EIF4G3: variants seen among roughly 807,000 people sequenced by gnomAD.
EIF4G3 encodes eukaryotic translation initiation factor 4 gamma 3.
Under a neutral mutation model 186.4 loss-of-function variants are expected in EIF4G3, and 34 were observed. The ratio of observed to expected loss-of-function variants is 0.18; its 90% CI spans 0.14 to 0.24. The LOEUF (loss-of-function observed/expected upper bound fraction) is 0.24. Ranked by LOEUF, EIF4G3 falls within the 10% of genes least tolerant of loss-of-function variation. The pLI is 1.00. For missense variants in EIF4G3, 1,536 were observed against 1,948.5 expected (o/e 0.79, Z 3.99); for synonymous variants, 673 against 679.5 (o/e 0.99, Z 0.15).
chr1:21,114,595 A>C (rs1410055916), intron 2 of EIF4G3, among the ~76,000 whole-genome samples: 2 of 152,218 alleles, frequency 1.3e-5, no homozygotes, highest in African/African-American at 4.8e-5. Flanking sequence ...ACTCACTCAC[A>C]CAAGTGTTAT....
chr1:21,078,262 T>C (rs552872407), intron 3 of EIF4G3, among the ~76,000 whole-genome samples: 2 of 152,288 alleles, frequency 1.3e-5, no homozygotes, highest in African/African-American at 2.4e-5. Context: ...GTGTCATATA[T>C]ACACAATGAA....
Position 20,879,484 on chromosome 1 carries a change from A to G in EIF4G3, c.2461T>C (p.Leu821=). 1.3e-6 allele frequency: 2 copies of G among 1,508,906 alleles called. No individual in the cohort carries two copies. Among genetic ancestry groups the G allele is most frequent in the Non-Finnish European group, 1.8e-6 (2 of 1,126,778 alleles). 93.5% of individuals were successfully genotyped at this position (1,508,906 alleles called of 1,614,324 possible). A position where few individuals can be genotyped will look rare whatever the true frequency, so the allele number is the denominator to read the frequency against. Residue 821 remains leucine (L), a synonymous_variant, in exon 20 of 37, where the codon TTG becomes CTG. Coordinates refer to ENST00000602326, the MANE Select transcript of EIF4G3 (RefSeq NM_001391906.1). ...AGTTGATTGAACATCTGTGGTGTCA[A>G]TTTATTTAAGATACTTCGAACTTTT... ...FRKVRSILNK[L]TPQMFNQLMK... is the part of the protein sequence containing the mutation.
chr1:20,972,319 T>C (rs2076065060), intron 11 of EIF4G3, among the ~76,000 whole-genome samples: 1 of 152,180 alleles, frequency 6.6e-6, no homozygotes. Flanking sequence ...TGTCAATTCA[T>C]ACTTGAATGG....
chr1:21,015,613 G>A (rs951740637), intron 4 of EIF4G3, among the ~76,000 whole-genome samples: 1 of 151,816 alleles, frequency 6.6e-6, no homozygotes, highest in Non-Finnish European at 1.5e-5. Flanking sequence ...AAATTTTTAA[G>A]GTAAAAAACA....
At chr1:21,110,731 C>T (rs566975979) in intron 2 of EIF4G3, among the ~76,000 whole-genome samples, 26 of 151,544 alleles carry the variant, frequency 1.7e-4, no homozygotes, top group African/African-American at 5.8e-4. Flanking sequence ...CACGCCCAGC[C>T]TTTTTTTGTA....
chr1:21,079,668 A>G (rs1383865834), intron 3 of EIF4G3, among the ~76,000 whole-genome samples: 1 of 151,424 alleles, frequency 6.6e-6, no homozygotes, highest in Non-Finnish European at 1.5e-5. Context: ...TGGATGACAC[A>G]GTAAGACCCT....
At chr1:21,061,745 T>G (rs999015308) in intron 3 of EIF4G3, among the ~76,000 whole-genome samples, 2 of 151,250 alleles carry the variant, frequency 1.3e-5, no homozygotes, top group Non-Finnish European at 2.9e-5. Flanking sequence ...CTGCTTGTTT[T>G]TTTTTTTTTT....
intron 2 of EIF4G3, among the ~76,000 whole-genome samples, chr1:21,158,760 C>G (rs34711566): frequency 6.6e-6 from 1 of 151,858 alleles, no homozygotes; most frequent in East Asian, 1.9e-4. Flanking sequence ...CACTCTCTCT[C>G]TATATATATA....
intron 20 of EIF4G3, among the ~76,000 whole-genome samples, chr1:20,872,980 G>C (rs1572010689): frequency 6.6e-6 from 1 of 152,036 alleles, no homozygotes; most frequent in South Asian, 2.1e-4. Context: ...CAGGTAATCC[G>C]CCTGCCCTGG....
intron 2 of EIF4G3, among the ~76,000 whole-genome samples, chr1:21,163,052 T>C (rs2097791888): frequency 6.6e-6 from 1 of 152,198 alleles, no homozygotes; most frequent in East Asian, 1.9e-4. Flanking sequence ...CACTGGCTCA[T>C]GGTGGCACCT....
At chr1:21,025,173 A>G (rs951430532) in intron 4 of EIF4G3, among the ~76,000 whole-genome samples, 1 of 152,220 alleles carries the variant, frequency 6.6e-6, no homozygotes, top group Non-Finnish European at 1.5e-5. Flanking sequence ...GCCAGAGAAT[A>G]GAAGTGCATG....
intron 2 of EIF4G3, among the ~76,000 whole-genome samples, chr1:21,131,622 G>A (rs1362249865): frequency 6.6e-6 from 1 of 152,154 alleles, no homozygotes; most frequent in African/African-American, 2.4e-5. Flanking sequence ...TAAGTAAACA[G>A]GTAAGAATTA....
intron 30 of EIF4G3, among the ~76,000 whole-genome samples, chr1:20,831,822 T>C (rs533522190): frequency 1.0e-4 from 15 of 143,902 alleles, no homozygotes; most frequent in Admixed American, 6.5e-4. Context: ...TGTGATCTCA[T>C]TGTTCAATTC....
At chr1:20,954,883 T>C (rs2096361274) in intron 12 of EIF4G3, among the ~76,000 whole-genome samples, 1 of 152,188 alleles carries the variant, frequency 6.6e-6, no homozygotes, top group Non-Finnish European at 1.5e-5. Context: ...TCTGACTTTG[T>C]GACGTATGTG....
chr1:21,052,586 C>G (rs978029795), intron 3 of EIF4G3, among the ~76,000 whole-genome samples: 4 of 151,902 alleles, frequency 2.6e-5, no homozygotes, highest in African/African-American at 7.3e-5. Context: ...CCTCTCCCCA[C>G]GGTCTCCCTC....
intron 12 of EIF4G3, among the ~76,000 whole-genome samples, chr1:20,966,969 T>C (rs2074836943): frequency 1.3e-5 from 2 of 152,236 alleles, no homozygotes; most frequent in South Asian, 4.1e-4. Flanking sequence ...TAACTGATGT[T>C]ACACTTCCCA....
Position 20,807,301 on chromosome 1 carries a change from T to A in EIF4G3, c.*18A>T. 1 of 1,549,428 alleles carries A rather than the reference T, an allele frequency of 6.5e-7. No homozygotes were observed. Among genetic ancestry groups the A allele is most frequent in the Non-Finnish European group, 8.8e-7 (1 of 1,142,284 alleles). On this transcript the variant is annotated 3_prime_UTR_variant, in exon 37 of 37. Transcript: ENST00000602326. ...TACTTAAATTGTTTCTTTTGTTTCA[T>A]TTTGTGTATTTGAAGTTTTAGTTAT...
chr1:21,002,512 T>A (rs2083791608), intron 5 of EIF4G3, among the ~76,000 whole-genome samples: 2 of 152,170 alleles, frequency 1.3e-5, no homozygotes, highest in Admixed American at 6.5e-5. Context: ...CACCTCTTCT[T>A]TTTCTCAATA....
chr1:21,114,313 C>T (rs987116242), intron 2 of EIF4G3, among the ~76,000 whole-genome samples: 4 of 151,938 alleles, frequency 2.6e-5, no homozygotes, highest in African/African-American at 7.3e-5. Context: ...TGCCCAGCTA[C>T]TCTTTGTATT....
Sources: gnomAD v4.1 joint callset for allele counts (sites outside exome capture counted in the v4.1 genomes callset) on GRCh38, gnomAD v4.1.1 for gene constraint, MANE v1.5 for transcripts, NCBI Gene and HGNC (gene_info 2026-07-23, HGNC 2026-07-21) for gene names.